HSD17B13: variants seen among roughly 807,000 people sequenced by gnomAD.
HSD17B13 encodes the protein hydroxysteroid 17-beta dehydrogenase 13, also known as 17-beta-hydroxysteroid dehydrogenase 13.
In HSD17B13, 26 loss-of-function variants were observed where a neutral mutation model predicts 31.1. The ratio of observed to expected loss-of-function variants is 0.84; its 90% CI spans 0.61 to 1.16. The LOEUF (loss-of-function observed/expected upper bound fraction) is 1.16. HSD17B13 is among the 50% of genes most tolerant of loss of function. The pLI is 0.00. For missense variants in HSD17B13, 374 were observed against 366.5 expected, an observed-to-expected ratio of 1.02 and a Z score of -0.17; for synonymous variants, 141 against 133.7, an observed-to-expected ratio of 1.05 and a Z score of -0.38.
chr4:87,305,326 A>G lies in HSD17B13; in HGVS notation c.813-18T>C. ...GAAGAAACCTGTACAAAAAAGAAAA[A>G]AAAATTGAAAAATTTTCCATTTAAA... On this transcript the variant is annotated intron_variant, in intron 6 of 6. Transcript: ENST00000328546. 1 of 1,522,064 alleles carries G rather than the reference A, an allele frequency of 6.6e-7. No homozygotes were observed. Among genetic ancestry groups the G allele is most frequent in the South Asian group, 1.2e-5 (1 of 80,500 alleles). 94.3% of individuals were successfully genotyped at this position (1,522,064 alleles called of 1,614,324 possible).
chr4:87,310,032 G>A (rs1734491855), intron 6 of HSD17B13, among the ~76,000 whole-genome samples: 1 of 152,066 alleles, frequency 6.6e-6, no homozygotes, highest in South Asian at 2.1e-4. Flanking sequence ...TAGTGTGGCA[G>A]CACACACCTA....
At chr4:87,306,855 T>TG (rs1186469909) in intron 6 of HSD17B13, among the ~76,000 whole-genome samples, 2 of 128,614 alleles carry the variant, frequency 1.6e-5, no homozygotes, top group African/African-American at 6.2e-5. Flanking sequence ...TACAGTGAGC[T>TG]GAGATCAAGC....
intron 5 of HSD17B13, among the ~76,000 whole-genome samples, chr4:87,310,801 T>C (rs1235936987): frequency 6.6e-6 from 1 of 152,206 alleles, no homozygotes; most frequent in East Asian, 1.9e-4. Context: ...TTTGAGGTCG[T>C]CATTTTGTCA....
In HSD17B13 at chr4:87,315,527, C is replaced by T. The variant is rs139930013; in HGVS notation, c.523G>A (p.Gly175Ser). 6.1e-5 allele frequency: 99 copies of T among 1,610,974 alleles called. No homozygotes were observed. The highest frequency in any genetic ancestry group is 8.0e-5 in the Non-Finnish European group (94 of 1,177,652). The change falls in exon 4 of 7, where the codon GGC (glycine) becomes AGC (serine). Residue 175 changes from glycine (G) to serine (S), a missense_variant. Gly to Ser is a moderately conservative substitution (Grantham distance 56). Transcript: ENST00000328546. ...ATGAGGTAAGGAATCCCTTCGTGGC[C>T]GCACACTGAAGCCACTGTGACGATG... The part of the protein sequence containing the change: ...GHIVTVASVC[G>S]HEGIPYLIPY...
intron 6 of HSD17B13, among the ~76,000 whole-genome samples, chr4:87,308,485 TAAAAAAAAAAAAAAAAAAAAAAAAAAA>T (rs893354684): frequency 6.3e-4 from 21 of 33,218 alleles, no homozygotes; most frequent in Admixed American, 2.1e-3. Context: ...CCGTCTCTAC[TAAAAAAAAAAAAAAAAAAAAAAAAAAA>T]AAAAAAAAAA....
intron 2 of HSD17B13, among the ~76,000 whole-genome samples, 180 bp from the exon 3 acceptor site, chr4:87,317,403 T>C (rs1396059814): frequency 6.6e-6 from 1 of 152,140 alleles, no homozygotes; most frequent in Non-Finnish European, 1.5e-5. Flanking sequence ...AAAGGTGGGA[T>C]AAACTGTTCT....
In HSD17B13 at chr4:87,310,276, G is replaced by T. The variant is rs76926692; in HGVS notation, c.779C>A (p.Pro260Gln). The change falls in exon 6 of 7, where the codon CCA (proline) becomes CAA (glutamine). Residue 260 changes from proline (P) to glutamine (Q), a missense_variant. By Grantham distance (76) the Pro-to-Gln change is moderately conservative. Transcript: ENST00000328546. ...ILTNKKMIFV[P>Q]SYINIFLRLQ... is the part of the protein sequence containing the mutation. ...TCTCAGAAAGATATTGATATACGAT[G>T]GAACAAAAATCATTTTCTTATTGGT... 3,784 of 1,579,840 alleles carry T rather than the reference G, an allele frequency of 2.4e-3. 68 individuals carry two copies. In the African/African-American group the frequency reaches 0.045, roughly 19 times the overall value.
At chr4:87,311,380 C>A (rs1286472758) in intron 5 of HSD17B13, among the ~76,000 whole-genome samples, 1 of 152,172 alleles carries the variant, frequency 6.6e-6, no homozygotes, top group African/African-American at 2.4e-5. Context: ...CGAATTATTT[C>A]TTGCGAGAAA....
At position 87,315,947 on chromosome 4, in the gene HSD17B13, A is replaced by G. The variant is rs4693815; in HGVS notation, c.451-348T>C. ...CCTTATGATAATTTGGTGTCATATA[A>G]TTTTTTGGTTTGGGGCTTTATCATT... On this transcript the variant is annotated intron_variant, in intron 3 of 6. Coordinates refer to ENST00000328546, the MANE Select transcript of HSD17B13 (RefSeq NM_178135.5). Among the ~76,000 whole-genome samples, 1,000 of 152,244 alleles carry G rather than the reference A, an allele frequency of 6.6e-3. 46 individuals carry two copies. The highest frequency in any genetic ancestry group is 0.06 in the Admixed American group (923 of 15,288).
rs1028539079 is a variant in HSD17B13, at chr4:87,304,471, C to A, written c.*747G>T. The A allele has an allele frequency of 6.6e-6, 1 of 152,038 alleles. No individual in the cohort carries two copies. The allele number at this position is 152,038 out of a possible 1,614,324, so 9.4% of individuals were successfully genotyped here. A position where few individuals can be genotyped will look rare whatever the true frequency, so the allele number is the denominator to read the frequency against. ...TAAAATTGTCTAAACATCTCTGGGA[C>A]CAAGGATATATGAAAGCATAAATTA... is the stretch of plus-strand genomic sequence containing the variant. On this transcript the variant is annotated 3_prime_UTR_variant, in exon 7 of 7. Transcript: ENST00000328546.
At chr4:87,312,891 C>T (rs1016618881) in intron 5 of HSD17B13, among the ~76,000 whole-genome samples, 1 of 151,632 alleles carries the variant, frequency 6.6e-6, no homozygotes, top group African/African-American at 2.4e-5. Context: ...GAAACCCCGT[C>T]TCTACTAAAA....
At chr4:87,318,203 T>A (rs1009649930) in intron 2 of HSD17B13, 126 bp downstream of exon 2, 12 of 688,744 alleles carry the variant, frequency 1.7e-5, no homozygotes, top group Non-Finnish European at 2.8e-5. Context: ...CTTGGTGACA[T>A]AACTACTTCA....
chr4:87,312,429 C>A (rs1734549480), intron 5 of HSD17B13, among the ~76,000 whole-genome samples: 1 of 151,636 alleles, frequency 6.6e-6, no homozygotes, highest in Admixed American at 6.6e-5. Context: ...AACAGTTCAA[C>A]TGAACCTCTC....
In HSD17B13 at chr4:87,317,026, C is replaced by T. The variant is rs927454079; in HGVS notation, c.450+66G>A. On this transcript the variant is annotated intron_variant, in intron 3 of 6. Transcript: ENST00000328546. ...TTCCTGTCCAGAAGTATGTGAACTC[C>T]GTTATAAGTTTCATGTATCTTAAGA... The T allele has an allele frequency of 3.2e-5, 48 of 1,515,272 alleles. No individual in the cohort carries two copies. In the Middle Eastern group the frequency reaches 5.2e-4, roughly 16 times the overall value. The allele number at this position is 1,515,272 out of a possible 1,614,324, so 93.9% of individuals were successfully genotyped here. A position where few individuals can be genotyped will look rare whatever the true frequency, so the allele number is the denominator to read the frequency against.
At chr4:87,317,716 C>T (rs1021794420) in intron 2 of HSD17B13, among the ~76,000 whole-genome samples, 2 of 151,542 alleles carry the variant, frequency 1.3e-5, no homozygotes, top group Non-Finnish European at 2.9e-5. Flanking sequence ...GTCTAAAGTG[C>T]TGGTTGAGAA....
Position 87,305,744 on chromosome 4 carries a change from C to G in HSD17B13, c.813-436G>C, listed in dbSNP as rs149154559. ...ATAAATAAATAAATTATTGCCTAAA[C>G]AAACACTATTTTGTCAGGCTTCTGC... On this transcript the variant is annotated intron_variant, in intron 6 of 6. Transcript: ENST00000328546. 1.1e-4 allele frequency among the ~76,000 whole-genome samples: 16 copies of G among 152,012 alleles called. 1 individual carries two copies. The highest frequency in any genetic ancestry group is 3.9e-4 in the African/African-American group (16 of 41,430).
At chr4:87,312,678 C>T (rs1343896390) in intron 5 of HSD17B13, among the ~76,000 whole-genome samples, 2 of 151,160 alleles carry the variant, frequency 1.3e-5, no homozygotes, top group African/African-American at 2.4e-5. Context: ...TACAGGCGCC[C>T]GCCACCACGC....
intron 6 of HSD17B13, among the ~76,000 whole-genome samples, chr4:87,306,053 G>A (rs547561504): frequency 6.6e-6 from 1 of 152,130 alleles, no homozygotes; most frequent in South Asian, 2.1e-4. Flanking sequence ...ATGTTTTTAG[G>A]AACATTCCCT....
intron 5 of HSD17B13, among the ~76,000 whole-genome samples, chr4:87,312,696 A>T (rs1286103939): frequency 2.6e-5 from 4 of 151,120 alleles, no homozygotes; most frequent in Non-Finnish European, 4.4e-5. Flanking sequence ...CGCCCGGCTA[A>T]TTTTTTTGTG....
Sources: gnomAD v4.1 joint callset for allele counts (sites outside exome capture counted in the v4.1 genomes callset) on GRCh38, gnomAD v4.1.1 for gene constraint, MANE v1.5 for transcripts, NCBI Gene and HGNC (gene_info 2026-07-23, HGNC 2026-07-21) for gene names.